The following MTNR1B variants were observed in gnomAD, a reference collection of about 807,000 sequenced individuals.
The protein encoded by MTNR1B is melatonin receptor type 1B.
Under a neutral mutation model 7.0 loss-of-function variants are expected in MTNR1B, and 7 were observed. The observed-to-expected ratio is 1.00, with a 90% CI of 0.57 to 1.88. The LOEUF (loss-of-function observed/expected upper bound fraction) is 1.88, where lower values mean the gene tolerates loss of function less well. Ranked by LOEUF, MTNR1B falls within the 40% of genes most tolerant of loss-of-function variation. The pLI is 0.00. For missense variants in MTNR1B, 478 were observed against 486.5 expected (o/e 0.98, Z 0.16); for synonymous variants, 226 against 208.2 (o/e 1.09, Z -0.74).
At chr11:92,974,340 C>T (rs1319153707) in intron 1 of MTNR1B, among the ~76,000 whole-genome samples, 2 of 152,226 alleles carry the variant, frequency 1.3e-5, no homozygotes, top group African/African-American at 4.8e-5. Flanking sequence ...CTGCCAGCCA[C>T]ATAAGACATG....
rs1293107926 is a variant in MTNR1B at position 92,981,662 on chromosome 11, G to A, written c.439G>A (p.Ala147Thr). The stretch of plus-strand genomic sequence containing the variant: ...CTACTGCTACATCTGCCACAGCATG[G>A]CCTACCACCGAATCTACCGGCGCTG... ...NRYCYICHSM[A>T]YHRIYRRWHT... The change falls in exon 2 of 2, where the codon GCC becomes ACC. Residue 147 changes from alanine to threonine, a missense_variant. Ala to Thr is a moderately conservative substitution (Grantham distance 58, BLOSUM62 0). Coordinates refer to ENST00000257068, the MANE Select transcript of MTNR1B (RefSeq NM_005959.5). The A allele has an allele frequency of 1.2e-6, 2 of 1,614,012 alleles. No individual in the cohort carries two copies. The highest frequency in any genetic ancestry group is 2.7e-5 in the African/African-American group (2 of 74,892).
chr11:92,984,783 T>C (rs1485467810), downstream of MTNR1B: 2 of 430,346 alleles, frequency 4.6e-6, no homozygotes. Context: ...ATCCACTAAT[T>C]GGAATTTTTT....
At chr11:92,973,048 T>C (rs541809131) in intron 1 of MTNR1B, among the ~76,000 whole-genome samples, 1 of 152,254 alleles carries the variant, frequency 6.6e-6, no homozygotes, top group East Asian at 1.9e-4. Flanking sequence ...TCTGGAAATG[T>C]TCCTCTGTGC....
At chr11:92,973,650 G>A (rs913731061) in intron 1 of MTNR1B, among the ~76,000 whole-genome samples, 2 of 152,168 alleles carry the variant, frequency 1.3e-5, no homozygotes, top group Non-Finnish European at 2.9e-5. Flanking sequence ...TTAATACCAT[G>A]AAGGGGATAG....
chr11:92,982,156 G>C lies in MTNR1B; in HGVS notation c.933G>C (p.Leu311Phe), dbSNP rs1186464249. 1 of 1,614,154 alleles carries C rather than the reference G, an allele frequency of 6.2e-7. No homozygotes were observed. The highest frequency in any genetic ancestry group is 1.7e-5 in the Admixed American group (1 of 60,028). ...TGAATGCCATTGTCTATGGGCTCTT[G>C]AACCAAAACTTCCGCAGGGAATACA... ...SCLNAIVYGL[L>F]NQNFRREYKR... The change falls in exon 2 of 2, where the codon TTG becomes TTC. Residue 311 changes from leucine (L) to phenylalanine (F), a missense_variant. By Grantham distance (22) the Leu-to-Phe change is conservative (BLOSUM62 0). Coordinates refer to ENST00000257068, the MANE Select transcript of MTNR1B (RefSeq NM_005959.5).
chr11:92,981,830 G>C lies in MTNR1B; in HGVS notation c.607G>C (p.Ala203Pro). ...IQTASTQYTA[A>P]VVVIHFLLPI... is the part of the protein sequence containing the mutation. The stretch of plus-strand genomic sequence containing the variant: ...GACCGCCAGCACCCAGTACACGGCG[G>C]CAGTGGTGGTCATCCACTTCCTCCT... The change falls in exon 2 of 2, where the codon GCA becomes CCA. Residue 203 changes from alanine to proline, a missense_variant. Coordinates refer to ENST00000257068, the MANE Select transcript of MTNR1B (RefSeq NM_005959.5). 1 of 1,614,178 alleles carries C rather than the reference G, an allele frequency of 6.2e-7. No individual in the cohort carries two copies. Among genetic ancestry groups the C allele is most frequent in the South Asian group, 1.1e-5 (1 of 91,086 alleles).
Position 92,982,712 on chromosome 11 carries a change from T to G in MTNR1B, c.*400T>G. On this transcript the variant is annotated 3_prime_UTR_variant, in exon 2 of 2. Transcript: ENST00000257068. ...CAGGATCTCTTCCTGTTAGCAAGGA[T>G]GAAAGAGAGAGGTCAGTAGGACTGG... 4.5e-6 allele frequency: 1 copy of G among 221,468 alleles called. No individual in the cohort carries two copies. The highest frequency in any genetic ancestry group is 8.9e-6 in the Non-Finnish European group (1 of 112,302). 13.7% of individuals were successfully genotyped at this position (221,468 alleles called of 1,614,324 possible).
chr11:92,982,514 C>A lies in MTNR1B; in HGVS notation c.*202C>A. 1.6e-6 allele frequency: 1 copy of A among 623,322 alleles called. No individual in the cohort carries two copies. The highest frequency in any genetic ancestry group is 1.8e-5 in the African/African-American group (1 of 54,380). The allele number at this position is 623,322 out of a possible 1,614,324, so 38.6% of individuals were successfully genotyped here. On this transcript the variant is annotated 3_prime_UTR_variant, in exon 2 of 2. Transcript: ENST00000257068. ...TGATCCAGGAGATGCTCACAGGCCA[C>A]AGGACCTGGAAAACACTCTTGGTGG...
intron 1 of MTNR1B, among the ~76,000 whole-genome samples, chr11:92,977,616 C>T (rs1402041658): frequency 1.3e-5 from 2 of 152,186 alleles, no homozygotes; most frequent in Non-Finnish European, 2.9e-5. Context: ...TGTCCCCAGT[C>T]CCAAGTTGAC....
chr11:92,981,670 C>G lies in MTNR1B; in HGVS notation c.447C>G (p.His149Gln), dbSNP rs916408884. The G allele has an allele frequency of 1.2e-6, 2 of 1,614,252 alleles. No homozygotes were observed. The highest frequency in any genetic ancestry group is 4.5e-5 in the East Asian group (2 of 44,886). ...ACATCTGCCACAGCATGGCCTACCA[C>G]CGAATCTACCGGCGCTGGCACACCC... is the stretch of plus-strand genomic sequence containing the variant. ...YCYICHSMAY[H>Q]RIYRRWHTPL... Residue 149 changes from histidine (H) to glutamine (Q), a missense_variant, in exon 2 of 2, where the codon CAC becomes CAG. His to Gln is a conservative substitution (Grantham distance 24). Coordinates refer to ENST00000257068, the MANE Select transcript of MTNR1B (RefSeq NM_005959.5).
rs776993826 is a variant in MTNR1B at position 92,982,007 on chromosome 11, A to T, written c.784A>T (p.Ile262Phe). 2 of 1,614,222 alleles carry T rather than the reference A, an allele frequency of 1.2e-6. No homozygotes were observed. Among genetic ancestry groups the T allele is most frequent in the Non-Finnish European group, 1.7e-6 (2 of 1,180,034 alleles). Reference protein sequence around the residue: ...TMFVVFVIFAICWAPLNCIGL... With the variant: ...TMFVVFVIFAFCWAPLNCIGL... ...GTTTGTGGTGTTTGTGATCTTTGCC[A>T]TCTGCTGGGCTCCACTTAACTGCAT... Residue 262 changes from isoleucine (I) to phenylalanine (F), a missense_variant, in exon 2 of 2, where the codon ATC becomes TTC. Coordinates refer to ENST00000257068, the MANE Select transcript of MTNR1B (RefSeq NM_005959.5).
At chr11:92,976,660 T>A (rs1031519349) in intron 1 of MTNR1B, among the ~76,000 whole-genome samples, 2 of 152,358 alleles carry the variant, frequency 1.3e-5, no homozygotes, top group Middle Eastern at 6.8e-3. Flanking sequence ...CAACAGAATT[T>A]GTTCTTGTTA....
rs549484234 is a variant in MTNR1B, at chr11:92,974,837, C to T, written c.223+4889C>T. Among the ~76,000 whole-genome samples the T allele has an allele frequency of 1.8e-4, 28 of 152,252 alleles. No individual in the cohort carries two copies. The South Asian group carries it at 3.1e-3, about 17-fold the overall frequency. On this transcript the variant is annotated intron_variant, in intron 1 of 1. Transcript: ENST00000257068. ...CAGGATGGTCTCGATCTCCTGACCT[C>T]GTGATCCGCCCGCCTTGGCCTCCCA...
chr11:92,982,425 C>A lies in MTNR1B; in HGVS notation c.*113C>A. 1.5e-6 allele frequency: 2 copies of A among 1,306,078 alleles called. No homozygotes were observed. Among genetic ancestry groups the A allele is most frequent in the Non-Finnish European group, 2.1e-6 (2 of 970,332 alleles). The allele number at this position is 1,306,078 out of a possible 1,614,324, so 80.9% of individuals were successfully genotyped here. ...GGGCCACACTGTCCTGTTGGCATCA[C>A]AGCCCCAAGGCTGGGGGAACTTCAT... On this transcript the variant is annotated 3_prime_UTR_variant, in exon 2 of 2. Transcript: ENST00000257068.
In MTNR1B at chr11:92,982,213, G is replaced by C. The variant is rs372695654; in HGVS notation, c.990G>C (p.Arg330=). 3.7e-5 allele frequency: 60 copies of C among 1,614,172 alleles called. No homozygotes were observed. The highest frequency in any genetic ancestry group is 2.9e-5 in the Non-Finnish European group (34 of 1,180,030). ...KRILLALWNP[R]HCIQDASKGS... is the part of the protein sequence containing the mutation. ...TCCTCTTGGCCCTTTGGAACCCACG[G>C]CACTGCATTCAAGATGCTTCCAAGG... The change falls in exon 2 of 2, where the codon CGG becomes CGC. Residue 330 remains arginine, a synonymous_variant. Coordinates refer to ENST00000257068, the MANE Select transcript of MTNR1B (RefSeq NM_005959.5).
At position 92,982,520 on chromosome 11, in the gene MTNR1B, C is replaced by T; in HGVS notation, c.*208C>T. ...AGGAGATGCTCACAGGCCACAGGAC[C>T]TGGAAAACACTCTTGGTGGTGTCTT... On this transcript the variant is annotated 3_prime_UTR_variant, in exon 2 of 2. Coordinates refer to ENST00000257068, the MANE Select transcript of MTNR1B (RefSeq NM_005959.5). 1.7e-6 allele frequency: 1 copy of T among 601,874 alleles called. No homozygotes were observed. The allele number at this position is 601,874 out of a possible 1,614,324, so 37.3% of individuals were successfully genotyped here.
chr11:92,978,968 C>G (rs2136515199), intron 1 of MTNR1B, among the ~76,000 whole-genome samples: 1 of 152,252 alleles, frequency 6.6e-6, no homozygotes, highest in Non-Finnish European at 1.5e-5. Flanking sequence ...TGTTGCTGGG[C>G]CAGGTGCCCA....
intron 1 of MTNR1B, among the ~76,000 whole-genome samples, chr11:92,973,078 C>T (rs1398701370): frequency 6.6e-6 from 1 of 152,106 alleles, no homozygotes; most frequent in Non-Finnish European, 1.5e-5. Flanking sequence ...CACTGAGGGC[C>T]ACTCCCTCTG....
Position 92,981,529 on chromosome 11 carries a change from C to T in MTNR1B, c.306C>T (p.Phe102=). 1 of 1,614,202 alleles carries T rather than the reference C, an allele frequency of 6.2e-7. No individual in the cohort carries two copies. Among genetic ancestry groups the T allele is most frequent in the Non-Finnish European group, 8.5e-7 (1 of 1,180,032 alleles). The change falls in exon 2 of 2, where the codon TTC becomes TTT. Residue 102 remains phenylalanine (F), a synonymous_variant. Coordinates refer to ENST00000257068, the MANE Select transcript of MTNR1B (RefSeq NM_005959.5). ...YPYPLILVAI[F]YDGWALGEEH... ...ACCCGCTAATCCTCGTGGCCATCTT[C>T]TATGACGGCTGGGCCCTGGGGGAGG...
Sources: allele counts gnomAD v4.1 joint callset (sites outside exome capture counted in the v4.1 genomes callset), GRCh38; gene constraint gnomAD v4.1.1; transcripts MANE v1.5; gene names NCBI Gene and HGNC (gene_info 2026-07-23, HGNC 2026-07-21).